Variants in MON2 observed in about 807,000 individuals in gnomAD.
The protein encoded by MON2 is MON2 regulator of endosome-to-Golgi trafficking.
MON2 carries 84 observed loss-of-function variants against 208.6 expected under a neutral mutation model. The ratio of observed to expected loss-of-function variants is 0.40; its 90% CI spans 0.34 to 0.48. The LOEUF (loss-of-function observed/expected upper bound fraction) is 0.48, where lower values mean the gene tolerates loss of function less well. MON2 is among the 20% of genes least tolerant of loss of function. The probability of loss-of-function intolerance (pLI) is 0.59; values close to 1 mark genes in which losing one functional copy is unlikely to be tolerated. For synonymous variants in MON2, 660 were observed against 694.0 expected (o/e 0.95, Z 0.77); for missense variants, 1,611 against 2,015.4 (o/e 0.80, Z 3.84).
At chr12:62,508,216 CTG>C (rs2071202851) in intron 7 of MON2, 68 bp from the exon 8 acceptor site, 2 of 1,195,602 alleles carry the variant, frequency 1.7e-6, no homozygotes, top group South Asian at 1.4e-5. Context: ...CCTAGTGAGA[CTG>C]TGTTTTTGGA....
intron 2 of MON2, among the ~76,000 whole-genome samples, chr12:62,485,540 T>C (rs2069721579): frequency 2.0e-5 from 3 of 152,188 alleles, no homozygotes; most frequent in Admixed American, 1.3e-4. Context: ...TTTTCCCTGA[T>C]TTTGAACAGT....
Position 62,592,763 on chromosome 12 carries a change from AT to A in MON2, c.*17del. On this transcript the variant is annotated 3_prime_UTR_variant, in exon 35 of 35. Transcript: ENST00000393630. ...GGAGAATCTTGACCGGCTACAATAT[AT>A]TTGAAAGCAGGAAGATAGTCTAAAA... 1 of 1,557,248 alleles carries A rather than the reference AT, an allele frequency of 6.4e-7. No individual in the cohort carries two copies. Among genetic ancestry groups the A allele is most frequent in the South Asian group, 1.2e-5 (1 of 84,930 alleles).
chr12:62,556,567 G>A (rs1043545006), intron 25 of MON2, among the ~76,000 whole-genome samples: 3 of 152,182 alleles, frequency 2.0e-5, no homozygotes, highest in Non-Finnish European at 4.4e-5. Flanking sequence ...TGTAGGGTAA[G>A]TAGGAGTTCA....
rs779427475 is a variant in MON2, at chr12:62,508,257, T to G, written c.790-29T>G. ...ATTAAGTACAAATAAAGTTAATTAT[T>G]TTTTTCTTTCTTTTTTCCTTGCAAA... On this transcript the variant is annotated intron_variant, in intron 7 of 34. Transcript: ENST00000393630. 9.6e-6 allele frequency: 15 copies of G among 1,563,010 alleles called. No homozygotes were observed. The African/African-American group carries it at 2.1e-4, about 21-fold the overall frequency.
chr12:62,543,083 T>C lies in MON2; in HGVS notation c.2365-14T>C. 1 of 1,400,654 alleles carries C rather than the reference T, an allele frequency of 7.1e-7. No homozygotes were observed. Among genetic ancestry groups the C allele is most frequent in the Non-Finnish European group, 9.8e-7 (1 of 1,018,120 alleles). 86.8% of individuals were successfully genotyped at this position (1,400,654 alleles called of 1,614,324 possible). A position where few individuals can be genotyped will look rare whatever the true frequency, so the allele number is the denominator to read the frequency against. ...CTCCTTATACTATCAAAATACAATGTATTTTCTCCCTAGGAACCATCTCTT... is the reference window on the plus strand; with the variant it reads ...CTCCTTATACTATCAAAATACAATGCATTTTCTCCCTAGGAACCATCTCTT... On this transcript the variant is annotated splice_polypyrimidine_tract_variant and intron_variant, in intron 19 of 34. Coordinates refer to ENST00000393630, the MANE Select transcript of MON2 (RefSeq NM_015026.3).
chr12:62,498,853 A>T, intron 4 of MON2, 66 bp from the exon 5 acceptor site: 1 of 1,467,440 alleles, frequency 6.8e-7, no homozygotes. Context: ...AACATAAATT[A>T]TTCAATAAAG....
chr12:62,495,194 T>A, intron 4 of MON2, 47 bp downstream of exon 4: 1 of 1,506,690 alleles, frequency 6.6e-7, no homozygotes, highest in Non-Finnish European at 8.9e-7. Flanking sequence ...GAGACAGTAT[T>A]TGAATAAGCT....
Position 62,595,958 on chromosome 12 carries a change from G to A in MON2, c.*3209G>A, listed in dbSNP as rs1345716582. On this transcript the variant is annotated 3_prime_UTR_variant, in exon 35 of 35. Transcript: ENST00000393630. The stretch of plus-strand genomic sequence containing the variant: ...TCAGAAGAAAGAGATGAACAATTTA[G>A]TGTAGATATTTTATTCTGGAGAATA... The A allele has an allele frequency of 6.6e-6, 1 of 152,120 alleles. No individual in the cohort carries two copies. The highest frequency in any genetic ancestry group is 2.4e-5 in the African/African-American group (1 of 41,422). The allele number at this position is 152,120 out of a possible 1,614,324, so 9.4% of individuals were successfully genotyped here.
In MON2 at chr12:62,526,020, A is replaced by G. The variant is rs141578066; in HGVS notation, c.1318A>G (p.Thr440Ala). The G allele has an allele frequency of 1.6e-4, 251 of 1,613,860 alleles. No individual in the cohort carries two copies. The highest frequency in any genetic ancestry group is 2.0e-4 in the Non-Finnish European group (235 of 1,179,820). Residue 440 changes from threonine to alanine, a missense_variant, in exon 11 of 35, where the codon ACT becomes GCT. Physicochemically the swap from Thr to Ala is moderately conservative, Grantham distance 58. Coordinates refer to ENST00000393630, the MANE Select transcript of MON2 (RefSeq NM_015026.3). ...SGMVGIGGGV[T>A]LLPAFEYRGT... ...AATGGTGGGGATTGGTGGAGGTGTT[A>G]CTTTGCTACCAGCATTTGAATATAG...
intron 4 of MON2, 61 bp from the exon 5 acceptor site, chr12:62,498,858 A>G: frequency 2.0e-6 from 3 of 1,490,420 alleles, no homozygotes; most frequent in South Asian, 1.4e-5. Flanking sequence ...AAATTATTCA[A>G]TAAAGATAAT....
At chr12:62,516,809 T>C (rs943361956) in intron 8 of MON2, among the ~76,000 whole-genome samples, 2 of 152,190 alleles carry the variant, frequency 1.3e-5, no homozygotes, top group Admixed American at 1.3e-4. Context: ...GTGATGATTA[T>C]GCATTATATG....
At chr12:62,570,258 A>T (rs1364902920) in intron 29 of MON2, among the ~76,000 whole-genome samples, 1 of 152,046 alleles carries the variant, frequency 6.6e-6, no homozygotes, top group Non-Finnish European at 1.5e-5. Flanking sequence ...CAAACGCTCT[A>T]CTCCTGTACC....
rs1461546583 is a variant in MON2 at position 62,518,340 on chromosome 12, G to A, written c.985-6175G>A. Among the ~76,000 whole-genome samples the A allele has an allele frequency of 3.9e-5, 6 of 152,224 alleles. No homozygotes were observed. The East Asian group carries it at 1.2e-3, about 29-fold the overall frequency. On this transcript the variant is annotated intron_variant, in intron 8 of 34. Transcript: ENST00000393630. Reference sequence around the variant, plus strand: ...ATTAATACATTTTAACTTTACTACAGCCCTATGAAGCAGACATTCATATTT... The same window carrying A: ...ATTAATACATTTTAACTTTACTACAACCCTATGAAGCAGACATTCATATTT...
At position 62,578,433 on chromosome 12, in the gene MON2, T is replaced by G. The variant is rs193143744; in HGVS notation, c.4515-12T>G. 2.6e-5 allele frequency: 37 copies of G among 1,404,040 alleles called. No homozygotes were observed. Among genetic ancestry groups the G allele is most frequent in the Non-Finnish European group, 1.2e-5 (12 of 1,022,440 alleles). 87.0% of individuals were successfully genotyped at this position (1,404,040 alleles called of 1,614,324 possible). A position where few individuals can be genotyped will look rare whatever the true frequency, so the allele number is the denominator to read the frequency against. ...ATTTTATCTTTAAAAATCAAGTGTT[T>G]TTTTTTTTTAGCATACCTCCAGATA... On this transcript the variant is annotated splice_polypyrimidine_tract_variant and intron_variant, in intron 30 of 34. Transcript: ENST00000393630.
chr12:62,532,282 A>C (rs1162776194), intron 11 of MON2, among the ~76,000 whole-genome samples, 156 bp from the exon 12 acceptor site: 1 of 152,146 alleles, frequency 6.6e-6, no homozygotes, highest in Non-Finnish European at 1.5e-5. Context: ...CCATGAAGAG[A>C]TCTCTTCCCT....
chr12:62,550,909 CTTT>C (rs869160726), intron 23 of MON2, among the ~76,000 whole-genome samples: 6 of 43,810 alleles, frequency 1.4e-4, no homozygotes, highest in African/African-American at 5.3e-4. Flanking sequence ...TTCTTTCTTT[CTTT>C]TTTTTTTTTT....
intron 24 of MON2, among the ~76,000 whole-genome samples, chr12:62,554,572 ACAGCCTTGACCTGC>A (rs1257304772): frequency 3.3e-5 from 5 of 152,148 alleles, no homozygotes; most frequent in African/African-American, 9.7e-5. Flanking sequence ...GTAGCACACT[ACAGCCTTGACCTGC>A]CAGGCTCAAG....
At chr12:62,549,953 A>C in intron 23 of MON2, 123 bp downstream of exon 23, 1 of 549,222 alleles carries the variant, frequency 1.8e-6, no homozygotes, top group Non-Finnish European at 3.0e-6. Context: ...TTTAAATTTC[A>C]AACTTACGTC....
intron 8 of MON2, among the ~76,000 whole-genome samples, chr12:62,522,205 G>T (rs1488938675): frequency 6.6e-6 from 1 of 151,970 alleles, no homozygotes; most frequent in Non-Finnish European, 1.5e-5. Context: ...AAAAAAAGAG[G>T]CTAGCATATC....
Sources: gnomAD v4.1 joint callset for allele counts (sites outside exome capture counted in the v4.1 genomes callset) on GRCh38, gnomAD v4.1.1 for gene constraint, MANE v1.5 for transcripts, NCBI Gene and HGNC (gene_info 2026-07-23, HGNC 2026-07-21) for gene names.